PRKAR1A: variants seen among roughly 807,000 people sequenced by gnomAD.
PRKAR1A encodes protein kinase cAMP-dependent type I regulatory subunit alpha.
Under a neutral mutation model 52.0 loss-of-function variants are expected in PRKAR1A, and 3 were observed. The ratio of observed to expected loss-of-function variants is 0.06; its 90% CI spans 0.03 to 0.15. The LOEUF is 0.15. PRKAR1A is among the 10% of genes least tolerant of loss of function. The pLI is 1.00. For missense variants in PRKAR1A, 240 were observed against 477.4 expected (o/e 0.50, Z 4.63); for synonymous variants, 188 against 168.4 (o/e 1.12, Z -0.90).
upstream of PRKAR1A, among the ~76,000 whole-genome samples, chr17:68,507,336 G>A (rs566046317): frequency 5.3e-5 from 8 of 152,306 alleles, no homozygotes; most frequent in South Asian, 1.0e-3. Context: ...GAATGAGATC[G>A]TGTCCTTTGC....
At chr17:68,534,647 C>G (rs1453108841), downstream of PRKAR1A, among the ~76,000 whole-genome samples, 3 of 146,176 alleles carry the variant, frequency 2.1e-5, no homozygotes, top group Non-Finnish European at 4.4e-5. Flanking sequence ...TGATGAAGTG[C>G]TGACTAGTGT....
Position 68,527,929 on chromosome 17 carries a change from A to G in PRKAR1A, c.769+29A>G. ...AGTTGTAAAGTGTGTTAACTTTGCT[A>G]GTATGTGAGATACCCCTGAATTAGA... On this transcript the variant is annotated intron_variant, in intron 8 of 10. Coordinates refer to ENST00000589228, the MANE Select transcript of PRKAR1A (RefSeq NM_002734.5). The G allele has an allele frequency of 1.3e-6, 2 of 1,555,582 alleles. No homozygotes were observed. The highest frequency in any genetic ancestry group is 2.2e-5 in the South Asian group (2 of 89,814).
the PRKAR1A span, among the ~76,000 whole-genome samples, chr17:68,486,506 CTTCTTTCTTTCTTTCTTTCT>C: frequency 3.5e-3 from 168 of 48,194 alleles, no homozygotes; most frequent in African/African-American, 8.6e-3. Context: ...TCCTTCCTTC[CTTCTTTCTTTCTTTCTTTCT>C]TTCTTTCTTT....
At chr17:68,448,949 T>G in the PRKAR1A span, among the ~76,000 whole-genome samples, 2 of 152,192 alleles carry the variant, frequency 1.3e-5, no homozygotes, top group African/African-American at 4.8e-5. Flanking sequence ...AGGTCCCACT[T>G]CTCTTTCTCC....
intron 11 of PRKAR1A, chr17:68,541,893 CA>C: frequency 6.8e-7 from 1 of 1,460,756 alleles, no homozygotes; most frequent in South Asian, 1.3e-5. Flanking sequence ...GGCAGCTTTT[CA>C]GATTCAAAAG....
upstream of PRKAR1A, among the ~76,000 whole-genome samples, chr17:68,509,676 A>G (rs1327444089): frequency 6.6e-6 from 1 of 152,224 alleles, no homozygotes; most frequent in Non-Finnish European, 1.5e-5. Context: ...ACAGTGGCAC[A>G]GTGGCACTGA....
intron 6 of PRKAR1A, 124 bp from the exon 7 acceptor site, chr17:68,525,630 A>G (rs113126871): frequency 2.8e-5 from 30 of 1,070,796 alleles, no homozygotes; most frequent in African/African-American, 2.1e-4. Context: ...TACTGCAAAC[A>G]TAATATATTC....
the PRKAR1A span, chr17:68,450,870 T>G: frequency 8.7e-6 from 14 of 1,613,666 alleles, no homozygotes; most frequent in Non-Finnish European, 1.1e-5. Flanking sequence ...GAAGAGGCGC[T>G]CCACGATGTA....
chr17:68,548,536 A>T (rs1241839976), intron 11 of PRKAR1A, among the ~76,000 whole-genome samples: 3 of 151,834 alleles, frequency 2.0e-5, no homozygotes, highest in Non-Finnish European at 2.9e-5. Context: ...TCTCAAAAAA[A>T]AAAAGTTTGA....
In PRKAR1A at chr17:68,530,474, T is replaced by A; in HGVS notation, c.*25T>A. 1 of 1,613,966 alleles carries A rather than the reference T, an allele frequency of 6.2e-7. No homozygotes were observed. The highest frequency in any genetic ancestry group is 2.2e-5 in the East Asian group (1 of 44,884). ...AAATCTGCCTCCTGTGCCTCCCTTT[T>A]CTCCTCTCCCCAATCCATGCTTCAC... On this transcript the variant is annotated 3_prime_UTR_variant, in exon 11 of 11. Coordinates refer to ENST00000589228, the MANE Select transcript of PRKAR1A (RefSeq NM_002734.5).
chr17:68,474,274 TAA>T, the PRKAR1A span, among the ~76,000 whole-genome samples: 2 of 152,208 alleles, frequency 1.3e-5, no homozygotes, highest in African/African-American at 4.8e-5. Context: ...TCCCTGGGGC[TAA>T]GTTTTTGGAA....
chr17:68,416,908 T>C, the PRKAR1A span, among the ~76,000 whole-genome samples: 1 of 152,258 alleles, frequency 6.6e-6, no homozygotes, highest in Non-Finnish European at 1.5e-5. Context: ...GCATTGGGCT[T>C]CACCTTTCTC....
At chr17:68,529,028 G>A (rs1568701549) in intron 9 of PRKAR1A, 37 bp downstream of exon 9, 4 of 1,612,100 alleles carry the variant, frequency 2.5e-6, no homozygotes, top group South Asian at 1.1e-5. Context: ...AATTTTAGAG[G>A]TAAAGAACTC....
At chr17:68,517,660 TGC>T (rs1353349568) in intron 2 of PRKAR1A, among the ~76,000 whole-genome samples, 5 of 152,182 alleles carry the variant, frequency 3.3e-5, no homozygotes, top group Non-Finnish European at 5.9e-5. Flanking sequence ...TTATGGGAAC[TGC>T]AATTCAAGAT....
In PRKAR1A at chr17:68,533,260, A is replaced by G. The variant is rs1600502810; in HGVS notation, c.*2811A>G. The G allele has an allele frequency of 9.4e-7, 1 of 1,062,758 alleles. No homozygotes were observed. The highest frequency in any genetic ancestry group is 1.1e-6 in the Non-Finnish European group (1 of 877,182). The allele number at this position is 1,062,758 out of a possible 1,614,324, so 65.8% of individuals were successfully genotyped here. On this transcript the variant is annotated 3_prime_UTR_variant, in exon 11 of 11. Transcript: ENST00000589228. The stretch of plus-strand genomic sequence containing the variant: ...ATGATTAAGTTGTATTCATTAGTGT[A>G]TTGGTATTTCTTCACATCCAGTGAA...
At position 68,525,825 on chromosome 17, in the gene PRKAR1A, TG is replaced by T. The variant is rs727503379; in HGVS notation, c.623del (p.Gly208GlufsTer14). 1.2e-6 allele frequency: 2 copies of T among 1,613,974 alleles called. No homozygotes were observed. Among genetic ancestry groups the T allele is most frequent in the Non-Finnish European group, 1.7e-6 (2 of 1,179,934 alleles). ...GCTTTGGAGAACTTGCTTTGATTTA[TG>T]GAACACCGAGAGCAGCCACTGTCAA... The part of the protein sequence containing the change: ...GSFGELALIY[G>X]TPRAATVKAK... On this transcript the variant is annotated frameshift_variant, in exon 7 of 11. Transcript: ENST00000589228. LOFTEE classifies it high-confidence loss of function.
downstream of PRKAR1A, chr17:68,535,073 C>T (rs904374537): frequency 2.8e-5 from 10 of 359,620 alleles, no homozygotes; most frequent in Middle Eastern, 1.0e-3. Flanking sequence ...GTACAGTTCC[C>T]GTTCATTTTT....
Position 68,531,215 on chromosome 17 carries a change from C to G in PRKAR1A, c.*766C>G. On this transcript the variant is annotated 3_prime_UTR_variant, in exon 11 of 11. Coordinates refer to ENST00000589228, the MANE Select transcript of PRKAR1A (RefSeq NM_002734.5). Reference sequence around the variant, plus strand: ...ATTTAACTACATCTGCCTCGGCTCACAAATTCCGATTAGACCTTTATCCAG... The same window carrying G: ...ATTTAACTACATCTGCCTCGGCTCAGAAATTCCGATTAGACCTTTATCCAG... The G allele has an allele frequency of 1.9e-6, 2 of 1,066,370 alleles. No homozygotes were observed. The highest frequency in any genetic ancestry group is 2.3e-6 in the Non-Finnish European group (2 of 879,630). The allele number at this position is 1,066,370 out of a possible 1,614,324, so 66.1% of individuals were successfully genotyped here.
the PRKAR1A span, among the ~76,000 whole-genome samples, chr17:68,487,972 T>G: frequency 6.6e-6 from 1 of 150,728 alleles, no homozygotes; most frequent in Non-Finnish European, 1.5e-5. Flanking sequence ...GAAGCTTACG[T>G]TTGTATGAAA....
Sources: allele counts gnomAD v4.1 joint callset (sites outside exome capture counted in the v4.1 genomes callset), GRCh38; gene constraint gnomAD v4.1.1; transcripts MANE v1.5; gene names NCBI Gene and HGNC (gene_info 2026-07-23, HGNC 2026-07-21).